The following PIP5K1B variants were observed in gnomAD, a reference collection of about 807,000 sequenced individuals.
The protein encoded by PIP5K1B is phosphatidylinositol 4-phosphate 5-kinase type-1 beta.
PIP5K1B carries 42 observed loss-of-function variants against 67.0 expected under a neutral mutation model. The ratio of observed to expected loss-of-function variants is 0.63; its 90% CI spans 0.49 to 0.81. PIP5K1B has a LOEUF of 0.81. Among genes scored for constraint, PIP5K1B ranks in the 30% least tolerant of loss-of-function variants. PIP5K1B has a pLI of 0.00. For synonymous variants in PIP5K1B, 214 were observed against 231.4 expected (o/e 0.92, Z 0.68); for missense variants, 459 against 646.3 (o/e 0.71, Z 3.14).
Position 69,007,654 on chromosome 9 carries a change from A to G in PIP5K1B, c.1621-793A>G, listed in dbSNP as rs546359232. ...GGGCGGATCACTAGGTCAGGAGTTC[A>G]AGACCATCCTGGCTAACACAGTGAA... On this transcript the variant is annotated intron_variant, in intron 15 of 15. Coordinates refer to ENST00000265382, the MANE Select transcript of PIP5K1B (RefSeq NM_003558.4). Among the ~76,000 whole-genome samples the G allele has an allele frequency of 4.9e-3, 744 of 152,286 alleles. 3 individuals are homozygous for G. Among genetic ancestry groups the G allele is most frequent in the African/African-American group, 0.012 (499 of 41,558 alleles).
At position 68,844,099 on chromosome 9, in the gene PIP5K1B, T is replaced by C. The variant is rs117199596; in HGVS notation, c.70-19738T>C. ...TGATTACTTGTGTACATCTTGAAAG[T>C]TGGCTGCTGCAGGGCCTAAACAAGA... On this transcript the variant is annotated intron_variant, in intron 4 of 15. Coordinates refer to ENST00000265382, the MANE Select transcript of PIP5K1B (RefSeq NM_003558.4). Among the ~76,000 whole-genome samples, 96 of 152,266 alleles carry C rather than the reference T, an allele frequency of 6.3e-4. No homozygotes were observed. The East Asian group carries it at 7.2e-3, about 11-fold the overall frequency.
chr9:68,760,578 A>G (rs1304241503), intron 2 of PIP5K1B, among the ~76,000 whole-genome samples: 1 of 152,070 alleles, frequency 6.6e-6, no homozygotes, highest in Non-Finnish European at 1.5e-5. Context: ...TCCATGAGTG[A>G]GAGACAAACC....
At chr9:68,860,272 C>A (rs892652226) in intron 4 of PIP5K1B, among the ~76,000 whole-genome samples, 1 of 151,962 alleles carries the variant, frequency 6.6e-6, no homozygotes, top group African/African-American at 2.4e-5. Context: ...ATATAAGATG[C>A]TTTTTAGTGA....
At chr9:68,828,906 A>G (rs960547171) in intron 4 of PIP5K1B, among the ~76,000 whole-genome samples, 17 of 152,150 alleles carry the variant, frequency 1.1e-4, no homozygotes, top group African/African-American at 4.1e-4. Flanking sequence ...GTTGGAGACC[A>G]GCCTGGCCAA....
At chr9:68,760,583 C>G (rs1289261367) in intron 2 of PIP5K1B, among the ~76,000 whole-genome samples, 2 of 152,024 alleles carry the variant, frequency 1.3e-5, no homozygotes, top group African/African-American at 4.8e-5. Context: ...GAGTGAGAGA[C>G]AAACCATGAA....
At chr9:68,816,806 A>G (rs552489239) in intron 2 of PIP5K1B, among the ~76,000 whole-genome samples, 2 of 152,348 alleles carry the variant, frequency 1.3e-5, no homozygotes, top group South Asian at 2.1e-4. Flanking sequence ...AAAGCTATCA[A>G]GAGAAAATAT....
intron 14 of PIP5K1B, among the ~76,000 whole-genome samples, chr9:68,976,716 C>A (rs953131020): frequency 2.6e-5 from 4 of 152,176 alleles, no homozygotes; most frequent in African/African-American, 9.7e-5. Context: ...TCATGAGAAA[C>A]ACAAAACCTA....
chr9:69,007,583 T>C (rs187001800), intron 15 of PIP5K1B, among the ~76,000 whole-genome samples: 2,687 of 152,134 alleles, frequency 0.018, 28 homozygotes, highest in South Asian at 0.03. Context: ...TCAGGCCGGG[T>C]GAGGTGGCTC....
At chr9:68,824,054 A>G in intron 4 of PIP5K1B, 1 of 516,404 alleles carries the variant, frequency 1.9e-6, no homozygotes, top group Non-Finnish European at 3.9e-6. Context: ...TAAAATTTGT[A>G]CATTGGGCCA....
At chr9:68,914,939 G>A (rs1826025736) in intron 8 of PIP5K1B, among the ~76,000 whole-genome samples, 1 of 152,148 alleles carries the variant, frequency 6.6e-6, no homozygotes, top group Non-Finnish European at 1.5e-5. Flanking sequence ...TTCTAGGAAT[G>A]TTTACTTCAA....
chr9:68,888,126 G>T (rs75991293), intron 6 of PIP5K1B, among the ~76,000 whole-genome samples: 1 of 152,072 alleles, frequency 6.6e-6, no homozygotes, highest in Non-Finnish European at 1.5e-5. Context: ...CTACAGGCAC[G>T]TGCCACCACG....
At chr9:68,826,696 A>C (rs1834002984) in intron 4 of PIP5K1B, among the ~76,000 whole-genome samples, 1 of 152,218 alleles carries the variant, frequency 6.6e-6, no homozygotes, top group Non-Finnish European at 1.5e-5. Context: ...ACATGAAAAA[A>C]TTAAATCTTG....
intron 1 of PIP5K1B, among the ~76,000 whole-genome samples, chr9:68,713,684 G>T (rs1321845672): frequency 6.6e-6 from 1 of 152,182 alleles, no homozygotes; most frequent in Non-Finnish European, 1.5e-5. Flanking sequence ...GCAAAGTATT[G>T]TGAATAGATT....
chr9:68,990,726 C>T lies in PIP5K1B; in HGVS notation c.1503-414C>T, dbSNP rs1025651333. ...GTTGCCGGGCTAGAGTGCAGTGGTG[C>T]GATCTCAGCTCACTGCAACCTCCAC... is the stretch of plus-strand genomic sequence containing the variant. On this transcript the variant is annotated intron_variant, in intron 14 of 15. Transcript: ENST00000265382. Among the ~76,000 whole-genome samples the T allele has an allele frequency of 5.3e-5, 8 of 151,458 alleles. No homozygotes were observed. In the South Asian group the frequency reaches 6.3e-4, roughly 12 times the overall value.
intron 14 of PIP5K1B, among the ~76,000 whole-genome samples, chr9:68,968,013 C>CT (rs2132801385): frequency 6.6e-6 from 1 of 152,242 alleles, no homozygotes; most frequent in East Asian, 1.9e-4. Flanking sequence ...AAAAAGTTCA[C>CT]TATAATTTGT....
At chr9:68,815,656 G>T (rs191544552) in intron 2 of PIP5K1B, among the ~76,000 whole-genome samples, 1 of 151,926 alleles carries the variant, frequency 6.6e-6, no homozygotes, top group East Asian at 1.9e-4. Flanking sequence ...AGAAAAAAAC[G>T]TGAGTGCGTA....
At chr9:68,903,680 A>C (rs1336278236) in intron 8 of PIP5K1B, among the ~76,000 whole-genome samples, 2 of 152,200 alleles carry the variant, frequency 1.3e-5, no homozygotes, top group African/African-American at 4.8e-5. Flanking sequence ...CATGCAAGAT[A>C]GTGTCAGGGT....
chr9:68,805,678 G>A (rs1232183789), intron 2 of PIP5K1B, among the ~76,000 whole-genome samples: 1 of 152,172 alleles, frequency 6.6e-6, no homozygotes, highest in African/African-American at 2.4e-5. Context: ...GTCATCACCT[G>A]TCACATTAGG....
intron 15 of PIP5K1B, among the ~76,000 whole-genome samples, chr9:69,006,771 C>T (rs10869690): frequency 0.1 from 15,684 of 152,194 alleles, 1,023 homozygotes; most frequent in East Asian, 0.36. Context: ...ATCTATAGAA[C>T]GAGGAAAGCA....
Sources: allele counts gnomAD v4.1 joint callset (sites outside exome capture counted in the v4.1 genomes callset), GRCh38; gene constraint gnomAD v4.1.1; transcripts MANE v1.5; gene names NCBI Gene and HGNC (gene_info 2026-07-23, HGNC 2026-07-21).